The following DYM variants were observed in gnomAD, a reference collection of about 807,000 sequenced individuals.
DYM encodes the protein dymeclin, also known as dyggve-Melchior-Clausen syndrome protein.
In DYM, 78 loss-of-function variants were observed where a neutral mutation model predicts 93.1. That is an observed-to-expected ratio of 0.84 (90% CI 0.70 to 1.01). The LOEUF (loss-of-function observed/expected upper bound fraction) is 1.01, where lower values mean the gene tolerates loss of function less well. Among genes scored for constraint, DYM ranks in the 50% least tolerant of loss-of-function variants. The pLI, the probability that DYM is intolerant of heterozygous loss-of-function variation, is 0.00. For synonymous variants in DYM, 321 were observed against 319.7 expected (o/e 1.00, Z -0.04); for missense variants, 789 against 845.0 (o/e 0.93, Z 0.82).
chr18:49,205,083 C>G (rs904027506), intron 14 of DYM, among the ~76,000 whole-genome samples: 4 of 152,178 alleles, frequency 2.6e-5, no homozygotes, highest in African/African-American at 9.7e-5. Context: ...GCCTCAGCCT[C>G]CCAAGTAGCT....
intron 17 of DYM, among the ~76,000 whole-genome samples, chr18:49,081,331 G>A (rs1292440886): frequency 8.6e-5 from 13 of 151,646 alleles, no homozygotes; most frequent in Non-Finnish European, 1.5e-4. Flanking sequence ...GCGAAACCCC[G>A]TCTCCACCAA....
At chr18:49,293,133 A>G (rs1024414983) in intron 8 of DYM, among the ~76,000 whole-genome samples, 2 of 152,156 alleles carry the variant, frequency 1.3e-5, no homozygotes, top group Non-Finnish European at 2.9e-5. Context: ...AGCTTCATCC[A>G]TGTCCCTGCA....
intron 2 of DYM, among the ~76,000 whole-genome samples, chr18:49,419,516 T>G (rs1279108060): frequency 1.3e-5 from 2 of 152,174 alleles, no homozygotes; most frequent in Admixed American, 1.3e-4. Context: ...TTTAAGAAGT[T>G]CATCTTTTTC....
intron 2 of DYM, chr18:49,418,150 T>C (rs138304347): frequency 6.6e-6 from 1 of 150,386 alleles, no homozygotes; most frequent in Non-Finnish European, 1.5e-5. Flanking sequence ...AACAAATAAA[T>C]GAATAACAGT....
chr18:49,446,438 AAG>A lies in DYM; in HGVS notation c.-54+13958_-54+13959del, dbSNP rs202218336. Among the ~76,000 whole-genome samples the A allele has an allele frequency of 7.4e-3, 1,124 of 152,316 alleles. 12 individuals are homozygous for A. The highest frequency in any genetic ancestry group is 0.026 in the African/African-American group (1,061 of 41,546). On this transcript the variant is annotated intron_variant, in intron 1 of 17. Transcript: ENST00000675505. ...AAGTAGAAAAAATATCAAAATAAAT[AAG>A]AGAGAATGAGCTTTACTATTTCATA...
At position 49,289,573 on chromosome 18, in the gene DYM, T is replaced by C. The variant is rs186493000; in HGVS notation, c.764-2957A>G. Among the ~76,000 whole-genome samples, 197 of 149,234 alleles carry C rather than the reference T, an allele frequency of 1.3e-3. 3 individuals are homozygous for C. The East Asian group carries it at 0.036, about 27-fold the overall frequency. On this transcript the variant is annotated intron_variant, in intron 8 of 17. Coordinates refer to ENST00000675505, the MANE Select transcript of DYM (RefSeq NM_001353214.3). ...TAATTAAAAAAGAAATAGCCGGGCA[T>C]GGTGGTTCATGCTTGTAGTCCCAGC...
At chr18:49,224,485 T>C (rs1022416684) in intron 13 of DYM, among the ~76,000 whole-genome samples, 13 of 151,926 alleles carry the variant, frequency 8.6e-5, no homozygotes, top group African/African-American at 3.1e-4. Flanking sequence ...CCCACAAATG[T>C]ATATGTTGAA....
chr18:49,208,263 A>G (rs1313602899), intron 14 of DYM, among the ~76,000 whole-genome samples: 6 of 152,024 alleles, frequency 3.9e-5, no homozygotes, highest in Non-Finnish European at 1.5e-5. Context: ...GATCAGCAGC[A>G]GTTCTCCTCA....
At chr18:49,087,015 A>G (rs2078601995) in intron 17 of DYM, among the ~76,000 whole-genome samples, 1 of 151,936 alleles carries the variant, frequency 6.6e-6, no homozygotes, top group Non-Finnish European at 1.5e-5. Context: ...AAAAATACAT[A>G]AAAATAAAAG....
intron 17 of DYM, among the ~76,000 whole-genome samples, chr18:49,046,151 A>G (rs2071486547): frequency 6.6e-6 from 1 of 151,812 alleles, no homozygotes; most frequent in Non-Finnish European, 1.5e-5. Flanking sequence ...ACACACACAG[A>G]CACACCGAGG....
At chr18:49,056,895 T>C (rs2075543063) in intron 17 of DYM, among the ~76,000 whole-genome samples, 1 of 152,202 alleles carries the variant, frequency 6.6e-6, no homozygotes, top group Non-Finnish European at 1.5e-5. Context: ...TTTTGCCACA[T>C]TGTCCAGGCT....
intron 11 of DYM, among the ~76,000 whole-genome samples, chr18:49,268,728 T>C (rs2094614926): frequency 6.6e-6 from 1 of 151,796 alleles, no homozygotes; most frequent in Non-Finnish European, 1.5e-5. Context: ...TTCATTAGTT[T>C]TCCTTTAAAA....
At chr18:49,213,446 G>A (rs1163534936) in intron 13 of DYM, among the ~76,000 whole-genome samples, 2 of 152,042 alleles carry the variant, frequency 1.3e-5, no homozygotes, top group African/African-American at 4.8e-5. Context: ...CTCCTGAATA[G>A]CTGGGACTAC....
intron 2 of DYM, among the ~76,000 whole-genome samples, chr18:49,428,641 G>A (rs557250893): frequency 3.2e-4 from 48 of 152,256 alleles, no homozygotes; most frequent in African/African-American, 1.0e-3. Context: ...AGCAGAGATC[G>A]CGCCACTGAA....
chr18:49,382,417 C>T (rs1039774786), intron 3 of DYM, among the ~76,000 whole-genome samples: 4 of 152,138 alleles, frequency 2.6e-5, no homozygotes, highest in Non-Finnish European at 5.9e-5. Context: ...AAATTAAATA[C>T]ACTCAATGAT....
intron 12 of DYM, among the ~76,000 whole-genome samples, chr18:49,257,668 G>A (rs1228338056): frequency 3.5e-5 from 5 of 141,426 alleles, no homozygotes; most frequent in Admixed American, 7.5e-5. Flanking sequence ...GCAACATAGC[G>A]AGACTTTGGC....
chr18:49,271,446 AC>A (rs2094696495), intron 11 of DYM, among the ~76,000 whole-genome samples: 1 of 152,160 alleles, frequency 6.6e-6, no homozygotes, highest in African/African-American at 2.4e-5. Context: ...TGCAGGAAGA[AC>A]CAATGACTAT....
At chr18:49,353,281 C>A (rs144653191) in intron 6 of DYM, among the ~76,000 whole-genome samples, 1 of 152,016 alleles carries the variant, frequency 6.6e-6, no homozygotes, top group Non-Finnish European at 1.5e-5. Context: ...CTTTAAGAGA[C>A]GGAGAGTTCT....
chr18:49,097,653 A>C, intron 16 of DYM, 138 bp from the exon 17 acceptor site: 1 of 793,584 alleles, frequency 1.3e-6, no homozygotes, highest in East Asian at 2.7e-5. Context: ...AGCCCTCCTA[A>C]ACGCAGTTTG....
Sources: gnomAD v4.1 joint callset for allele counts (sites outside exome capture counted in the v4.1 genomes callset) on GRCh38, gnomAD v4.1.1 for gene constraint, MANE v1.5 for transcripts, NCBI Gene and HGNC (gene_info 2026-07-23, HGNC 2026-07-21) for gene names.